MYBL1: variants seen among roughly 807,000 people sequenced by gnomAD.
MYBL1 encodes myb-related protein A.
In MYBL1, 17 loss-of-function variants were observed where a neutral mutation model predicts 96.3. The ratio of observed to expected loss-of-function variants is 0.18; its 90% CI spans 0.12 to 0.26. The LOEUF (loss-of-function observed/expected upper bound fraction) is 0.26, where lower values mean the gene tolerates loss of function less well. Ranked by LOEUF, MYBL1 falls within the 10% of genes least tolerant of loss-of-function variation. MYBL1 has a pLI of 1.00. For synonymous variants in MYBL1, 282 were observed against 292.7 expected (o/e 0.96, Z 0.37); for missense variants, 701 against 882.9 (o/e 0.79, Z 2.61).
At position 66,580,159 on chromosome 8, in the gene MYBL1, C is replaced by T. The variant is rs1410479648; in HGVS notation, c.1075G>A (p.Ala359Thr). The change falls in exon 9 of 16, where the codon GCA becomes ACA. Residue 359 changes from alanine to threonine, a missense_variant. Around this residue, in one of 5 missense-constraint regions of MYBL1, gnomAD observed 396 missense variants for 407.4 expected, o/e 0.97. Transcript: ENST00000522677. ...LSSLQTIPEF[A>T]ETLELIESDP... is the part of the protein sequence containing the mutation. ...GATTCAATAAGTTCTAGAGTCTCTG[C>T]AAATTCTGGGATGGTCTGCAAAGAG... is the stretch of plus-strand genomic sequence containing the variant. 6.2e-7 allele frequency: 1 copy of T among 1,613,532 alleles called. No individual in the cohort carries two copies.
intron 1 of MYBL1, among the ~76,000 whole-genome samples, chr8:66,608,465 A>G (rs112195695): frequency 0.019 from 2,894 of 152,242 alleles, 60 homozygotes; most frequent in Non-Finnish European, 0.023. Flanking sequence ...TGAAAAGACA[A>G]TGTTAACTTT....
At position 66,564,548 on chromosome 8, in the gene MYBL1, T is replaced by G; in HGVS notation, c.*149A>C. Reference sequence around the variant, plus strand: ...CCCCTTAAGTGACTTACTAGCTTTCTGCCTACTATATAGAATAGAAAAAAG... The same window carrying G: ...CCCCTTAAGTGACTTACTAGCTTTCGGCCTACTATATAGAATAGAAAAAAG... On this transcript the variant is annotated 3_prime_UTR_variant, in exon 16 of 16. Transcript: ENST00000522677. 1 of 468,432 alleles carries G rather than the reference T, an allele frequency of 2.1e-6. No individual in the cohort carries two copies. Among genetic ancestry groups the G allele is most frequent in the Non-Finnish European group, 3.5e-6 (1 of 288,742 alleles). The allele number at this position is 468,432 out of a possible 1,614,324, so 29.0% of individuals were successfully genotyped here.
intron 12 of MYBL1, among the ~76,000 whole-genome samples, chr8:66,568,533 C>T (rs1444013343): frequency 6.6e-6 from 1 of 151,986 alleles, no homozygotes; most frequent in Non-Finnish European, 1.5e-5. Context: ...CTCCTGACCT[C>T]AGGAGGTGAT....
chr8:66,585,147 A>G (rs1338724546), intron 8 of MYBL1, among the ~76,000 whole-genome samples: 2 of 152,196 alleles, frequency 1.3e-5, no homozygotes, highest in African/African-American at 4.8e-5. Flanking sequence ...CACGCTTCCA[A>G]ATATTCTATA....
chr8:66,612,485 A>T (rs1810570031), intron 1 of MYBL1: 1 of 334,322 alleles, frequency 3.0e-6, no homozygotes, highest in Non-Finnish European at 5.4e-6. Flanking sequence ...TTCTCTGCGT[A>T]GCGGACTCCC....
intron 4 of MYBL1, among the ~76,000 whole-genome samples, chr8:66,598,067 C>T (rs953211213): frequency 4.6e-5 from 7 of 152,066 alleles, no homozygotes; most frequent in African/African-American, 1.7e-4. Context: ...ACCTCACTGC[C>T]CTATGTCAAA....
chr8:66,613,117 C>T lies in MYBL1; in HGVS notation c.-279G>A, dbSNP rs1220944765. 7.4e-6 allele frequency: 3 copies of T among 403,220 alleles called. No individual in the cohort carries two copies. The highest frequency in any genetic ancestry group is 4.4e-5 in the Admixed American group (1 of 22,712). 25.0% of individuals were successfully genotyped at this position (403,220 alleles called of 1,614,324 possible). ...TCAGGAGGCGCGATCCCGCCCTCCG[C>T]CGGCTTCTCCCGCCGCTTGTCAGCC... On this transcript the variant is annotated 5_prime_UTR_variant, in exon 1 of 16. Coordinates refer to ENST00000522677, the MANE Select transcript of MYBL1 (RefSeq NM_001080416.4).
At chr8:66,606,843 T>C (rs1810332549) in intron 1 of MYBL1, among the ~76,000 whole-genome samples, 1 of 151,688 alleles carries the variant, frequency 6.6e-6, no homozygotes, top group South Asian at 2.1e-4. Context: ...CAGGCTGGAG[T>C]GCAGTGGCGC....
chr8:66,572,032 G>C (rs1466136998), intron 12 of MYBL1, among the ~76,000 whole-genome samples: 5 of 151,948 alleles, frequency 3.3e-5, no homozygotes, highest in African/African-American at 1.2e-4. Context: ...AATTAGGCCA[G>C]GTGTGGTGGC....
chr8:66,574,297 A>C (rs977323288), intron 10 of MYBL1, among the ~76,000 whole-genome samples: 13 of 152,220 alleles, frequency 8.5e-5, no homozygotes, highest in African/African-American at 3.1e-4. Context: ...GGAAATAAGC[A>C]TCTTTCAGCC....
At chr8:66,592,367 T>A in intron 8 of MYBL1, 73 bp downstream of exon 8, 1 of 1,023,134 alleles carries the variant, frequency 9.8e-7, no homozygotes, top group East Asian at 2.5e-5. Context: ...TGAGTATGCT[T>A]TCTAGCTGAT....
intron 12 of MYBL1, among the ~76,000 whole-genome samples, chr8:66,570,603 C>A (rs1392742791): frequency 6.6e-6 from 1 of 152,158 alleles, no homozygotes; most frequent in African/African-American, 2.4e-5. Context: ...CATACTTGAC[C>A]TTTTCAACAT....
chr8:66,565,368 T>C (rs970740176), intron 15 of MYBL1: 6 of 152,292 alleles, frequency 3.9e-5, no homozygotes, highest in South Asian at 2.1e-4. Flanking sequence ...GGAACTCAAA[T>C]CATTTTACAT....
intron 8 of MYBL1, among the ~76,000 whole-genome samples, chr8:66,587,207 T>C (rs1809454706): frequency 6.6e-6 from 1 of 152,140 alleles, no homozygotes; most frequent in Non-Finnish European, 1.5e-5. Flanking sequence ...AAAAGCAGGA[T>C]TTAAATGTTC....
At chr8:66,604,886 C>T (rs574639949) in intron 1 of MYBL1, among the ~76,000 whole-genome samples, 18 of 151,996 alleles carry the variant, frequency 1.2e-4, no homozygotes, top group Admixed American at 2.6e-4. Flanking sequence ...GAAGGAGAAA[C>T]AGAACTTTGG....
intron 1 of MYBL1, among the ~76,000 whole-genome samples, chr8:66,611,454 T>G (rs1006625722): frequency 2.0e-5 from 3 of 152,210 alleles, no homozygotes; most frequent in Admixed American, 1.3e-4. Context: ...TGGGTGATTT[T>G]GTCCCCCAAA....
intron 15 of MYBL1, among the ~76,000 whole-genome samples, chr8:66,565,745 C>A (rs1015827653): frequency 6.6e-6 from 1 of 151,990 alleles, no homozygotes; most frequent in African/African-American, 2.4e-5. Context: ...TTCAGAATAG[C>A]AATTAGGGCT....
rs376661600 is a variant in MYBL1 at position 66,613,045 on chromosome 8, G to A, written c.-207C>T. 2 of 464,404 alleles carry A rather than the reference G, an allele frequency of 4.3e-6. No homozygotes were observed. Among genetic ancestry groups the A allele is most frequent in the Middle Eastern group, 6.2e-4 (2 of 3,228 alleles). The allele number at this position is 464,404 out of a possible 1,614,324, so 28.8% of individuals were successfully genotyped here. On this transcript the variant is annotated 5_prime_UTR_variant, in exon 1 of 16. Transcript: ENST00000522677. The stretch of plus-strand genomic sequence containing the variant: ...CCCGACCCCGACCCCGGCCCGCAGC[G>A]CCGCTCTTAGCCCCGGCCCGGCCCG...
At position 66,564,823 on chromosome 8, in the gene MYBL1, T is replaced by G. The variant is rs762164196; in HGVS notation, c.2133A>C (p.Ser711=). Residue 711 remains serine (S), a splice_region_variant and synonymous_variant, in exon 16 of 16, where the codon TCA becomes TCC. Coordinates refer to ENST00000522677, the MANE Select transcript of MYBL1 (RefSeq NM_001080416.4). ...AAACCACTGTTTCCCATTCACAATTTGACTAGAAAGGAAATATTAATAGTG... is the reference window on the plus strand; with the variant it reads ...AAACCACTGTTTCCCATTCACAATTGGACTAGAAAGGAAATATTAATAGTG... The part of the protein sequence containing the change: ...KVVKLEKNLQ[S]NCEWETVVYG... The G allele has an allele frequency of 5.1e-6, 8 of 1,558,618 alleles. No homozygotes were observed. The East Asian group carries it at 1.6e-4, about 32-fold the overall frequency.
Sources: allele counts gnomAD v4.1 joint callset (sites outside exome capture counted in the v4.1 genomes callset), GRCh38; gene constraint gnomAD v4.1.1; regional missense constraint gnomAD v4.1.1; transcripts MANE v1.5; gene names NCBI Gene and HGNC (gene_info 2026-07-23, HGNC 2026-07-21).